The following HIP1 variants were observed in gnomAD, a reference collection of about 807,000 sequenced individuals.
HIP1 encodes the protein huntingtin interacting protein 1, also known as huntingtin-interacting protein 1.
HIP1 carries 65 observed loss-of-function variants against 147.6 expected under a neutral mutation model. The ratio of observed to expected loss-of-function variants is 0.44; its 90% CI spans 0.36 to 0.54. HIP1 has a LOEUF of 0.54. Among genes scored for constraint, HIP1 ranks in the 20% least tolerant of loss-of-function variants. The pLI is 0.00. For missense variants in HIP1, 1,061 were observed against 1,299.6 expected, an observed-to-expected ratio of 0.82 and a Z score of 2.82; for synonymous variants, 479 against 504.0, an observed-to-expected ratio of 0.95 and a Z score of 0.67.
chr7:75,655,497 G>A (rs188144419), intron 1 of HIP1, among the ~76,000 whole-genome samples: 131 of 151,834 alleles, frequency 8.6e-4, no homozygotes, highest in South Asian at 2.1e-3. Context: ...CAGGAGAGTC[G>A]CTGAAATCCA....
intron 1 of HIP1, among the ~76,000 whole-genome samples, chr7:75,621,725 G>T (rs116034052): frequency 7.9e-5 from 12 of 152,202 alleles, no homozygotes; most frequent in Non-Finnish European, 1.6e-4. Context: ...GAGGTGTCGA[G>T]ACGTGGTCGG....
intron 1 of HIP1, among the ~76,000 whole-genome samples, chr7:75,634,133 G>A (rs1199036890): frequency 6.6e-6 from 1 of 152,038 alleles, no homozygotes; most frequent in Non-Finnish European, 1.5e-5. Context: ...GGTGGTGCCT[G>A]CCTGTTGTCC....
At chr7:75,543,136 A>G (rs1199777943) in intron 27 of HIP1, among the ~76,000 whole-genome samples, 162 bp from the exon 28 acceptor site, 1 of 152,176 alleles carries the variant, frequency 6.6e-6, no homozygotes, top group African/African-American at 2.4e-5. Context: ...TGACATATCT[A>G]TCATATAAAA....
In HIP1 at chr7:75,555,464, G is replaced by T. The variant is rs1233847937; in HGVS notation, c.1915C>A (p.Leu639Met). ...KAAEQVIQDA[L>M]NQLEEPPLIS... ...AGAGGAGGTTCTTCAAGCTGGTTCA[G>T]GGCGTCTTGTATCACCTGCTCCGCA... is the stretch of plus-strand genomic sequence containing the variant. The change falls in exon 19 of 31, where the codon CTG becomes ATG. Residue 639 changes from leucine (L) to methionine (M), a missense_variant. Coordinates refer to ENST00000336926, the MANE Select transcript of HIP1 (RefSeq NM_005338.7). The T allele has an allele frequency of 4.3e-6, 7 of 1,614,038 alleles. No individual in the cohort carries two copies. The Admixed American group carries it at 6.7e-5, about 15-fold the overall frequency.
At chr7:75,567,826 T>G (rs1554495859) in intron 9 of HIP1, among the ~76,000 whole-genome samples, 2 of 146,596 alleles carry the variant, frequency 1.4e-5, no homozygotes, top group Non-Finnish European at 2.9e-5. Context: ...AATTTTTTTT[T>G]AGAGACAGGG....
At chr7:75,685,368 A>G (rs548206073) in intron 1 of HIP1, among the ~76,000 whole-genome samples, 1 of 152,108 alleles carries the variant, frequency 6.6e-6, no homozygotes, top group African/African-American at 2.4e-5. Flanking sequence ...ACTCACCAAC[A>G]CTTGTTTTGT....
chr7:75,692,082 CAACT>C (rs532538053), intron 1 of HIP1, among the ~76,000 whole-genome samples: 43 of 152,198 alleles, frequency 2.8e-4, no homozygotes, highest in East Asian at 2.5e-3. Context: ...ACCAACCAAC[CAACT>C]GCTAGGCACA....
At chr7:75,696,562 T>TTCCCCTCCCC (rs1800643291) in intron 1 of HIP1, among the ~76,000 whole-genome samples, 1 of 62,954 alleles carries the variant, frequency 1.6e-5, no homozygotes, top group Non-Finnish European at 2.8e-5. Context: ...CTCCCCTCCC[T>TTCCCCTCCCC]TCCCCTCGCC....
At chr7:75,545,258 A>G in intron 25 of HIP1, 70 bp from the exon 26 acceptor site, 2 of 852,422 alleles carry the variant, frequency 2.3e-6, no homozygotes, top group South Asian at 2.8e-5. Context: ...GCTTTTATAC[A>G]TATATTATCC....
At chr7:75,687,002 T>C (rs1475332607) in intron 1 of HIP1, among the ~76,000 whole-genome samples, 1 of 152,092 alleles carries the variant, frequency 6.6e-6, no homozygotes, top group Non-Finnish European at 1.5e-5. Flanking sequence ...CTTTGCTATG[T>C]GTCTAAAAGG....
chr7:75,581,752 C>A (rs1306952026), intron 6 of HIP1, among the ~76,000 whole-genome samples: 1 of 151,954 alleles, frequency 6.6e-6, no homozygotes, highest in Non-Finnish European at 1.5e-5. Context: ...GCACTCCAGC[C>A]TGGGTAACAG....
At chr7:75,542,042 G>GGCA in intron 28 of HIP1, 62 bp from the exon 29 acceptor site, 1 of 1,326,080 alleles carries the variant, frequency 7.5e-7, no homozygotes, top group Non-Finnish European at 1.1e-6. Flanking sequence ...GCACCTGAGA[G>GGCA]GCAGCCAATG....
At chr7:75,581,212 G>C (rs1336338351) in intron 7 of HIP1, 25 bp downstream of exon 7, 4 of 1,582,118 alleles carry the variant, frequency 2.5e-6, no homozygotes, top group Non-Finnish European at 3.5e-6. Context: ...GAGAGCCTGG[G>C]TTAGACGGGA....
intron 1 of HIP1, among the ~76,000 whole-genome samples, chr7:75,712,302 T>C (rs1375573544): frequency 6.6e-6 from 1 of 152,192 alleles, no homozygotes; most frequent in Non-Finnish European, 1.5e-5. Context: ...AAAATGAGCC[T>C]GATTTCCTGT....
intron 2 of HIP1, among the ~76,000 whole-genome samples, chr7:75,595,906 T>C (rs972393515): frequency 1.3e-4 from 20 of 152,322 alleles, no homozygotes; most frequent in African/African-American, 4.3e-4. Flanking sequence ...CTAATGCTTA[T>C]TCAGTTTGTA....
intron 1 of HIP1, among the ~76,000 whole-genome samples, chr7:75,687,066 G>A (rs1218192564): frequency 6.6e-6 from 1 of 152,026 alleles, no homozygotes; most frequent in Non-Finnish European, 1.5e-5. Context: ...AGGATTTTCT[G>A]TTCTGGTCTC....
intron 23 of HIP1, 83 bp from the exon 24 acceptor site, chr7:75,547,896 C>T (rs1324797325): frequency 6.4e-6 from 8 of 1,254,188 alleles, no homozygotes; most frequent in African/African-American, 4.4e-5. Flanking sequence ...AGTCCAACAT[C>T]GTGTGGTAGC....
At chr7:75,718,200 A>C (rs782397398) in intron 1 of HIP1, among the ~76,000 whole-genome samples, 3 of 151,784 alleles carry the variant, frequency 2.0e-5, no homozygotes, top group Non-Finnish European at 4.4e-5. Flanking sequence ...AATAAATAAA[A>C]ATAAATTAGC....
intron 1 of HIP1, among the ~76,000 whole-genome samples, chr7:75,665,025 G>C (rs782113191): frequency 2.0e-5 from 3 of 152,094 alleles, no homozygotes; most frequent in Non-Finnish European, 4.4e-5. Context: ...TGTAATCCTA[G>C]CTCTTTGGGA....
Sources: allele counts gnomAD v4.1 joint callset (sites outside exome capture counted in the v4.1 genomes callset), GRCh38; gene constraint gnomAD v4.1.1; transcripts MANE v1.5; gene names NCBI Gene and HGNC (gene_info 2026-07-23, HGNC 2026-07-21).